PLEKHA5: variants seen among roughly 807,000 people sequenced by gnomAD.
PLEKHA5 encodes the protein pleckstrin homology domain containing A5.
In PLEKHA5, 55 loss-of-function variants were observed where a neutral mutation model predicts 181.9. The observed-to-expected ratio is 0.30, with a 90% CI of 0.24 to 0.38. The LOEUF (loss-of-function observed/expected upper bound fraction) is 0.38. PLEKHA5 is among the 10% of genes least tolerant of loss of function. The pLI is 1.00. For synonymous variants in PLEKHA5, 535 were observed against 529.4 expected (o/e 1.01, Z -0.15); for missense variants, 1,432 against 1,549.5 (o/e 0.92, Z 1.27).
At chr12:19,203,060 T>TA (rs1291661764) in intron 3 of PLEKHA5, among the ~76,000 whole-genome samples, 7 of 152,056 alleles carry the variant, frequency 4.6e-5, no homozygotes, top group Non-Finnish European at 8.8e-5. Context: ...TATAAGGATT[T>TA]AAAAAAGAAG....
At chr12:19,331,844 G>A (rs2153094644) in intron 20 of PLEKHA5, among the ~76,000 whole-genome samples, 1 of 152,156 alleles carries the variant, frequency 6.6e-6, no homozygotes, top group Non-Finnish European at 1.5e-5. Flanking sequence ...ACAACATAGT[G>A]AGACCTCAAG....
At chr12:19,361,913 A>G (rs1210437297) in intron 29 of PLEKHA5, among the ~76,000 whole-genome samples, 1 of 152,110 alleles carries the variant, frequency 6.6e-6, no homozygotes, top group East Asian at 1.9e-4. Flanking sequence ...GTGCACATCT[A>G]TAATTCCAGC....
chr12:19,199,646 C>T (rs1185407892), intron 3 of PLEKHA5, among the ~76,000 whole-genome samples: 1 of 152,146 alleles, frequency 6.6e-6, no homozygotes, highest in Non-Finnish European at 1.5e-5. Context: ...GCAAGATACT[C>T]TTTGTTGAGA....
At chr12:19,321,681 T>C (rs2090902060) in intron 18 of PLEKHA5, 1 of 152,006 alleles carries the variant, frequency 6.6e-6, no homozygotes, top group Admixed American at 6.6e-5. Flanking sequence ...CCCCTACTTT[T>C]TCTTTTTAAC....
At chr12:19,150,709 T>G (rs545051403) in intron 3 of PLEKHA5, 2 of 152,332 alleles carry the variant, frequency 1.3e-5, no homozygotes, top group East Asian at 3.9e-4. Context: ...GCTATGTCAC[T>G]GGTGCATTGC....
At chr12:19,276,026 A>C (rs540653714) in intron 11 of PLEKHA5, among the ~76,000 whole-genome samples, 9 of 152,344 alleles carry the variant, frequency 5.9e-5, no homozygotes, top group African/African-American at 2.2e-4. Context: ...CAACAGCACA[A>C]TCTTAAGGAT....
intron 15 of PLEKHA5, among the ~76,000 whole-genome samples, chr12:19,312,642 T>G (rs1215190536): frequency 6.6e-6 from 1 of 152,224 alleles, no homozygotes; most frequent in African/African-American, 2.4e-5. Flanking sequence ...AGGGCCTTGC[T>G]CTGGAATAGG....
intron 3 of PLEKHA5, among the ~76,000 whole-genome samples, chr12:19,139,737 C>T (rs2036740910): frequency 6.6e-6 from 1 of 152,188 alleles, no homozygotes; most frequent in Non-Finnish European, 1.5e-5. Context: ...GTGGGGGTTG[C>T]TGGGAGAGGC....
intron 4 of PLEKHA5, among the ~76,000 whole-genome samples, chr12:19,254,262 C>T (rs889812968): frequency 6.6e-5 from 10 of 151,984 alleles, no homozygotes; most frequent in African/African-American, 1.5e-4. Flanking sequence ...CTCAAGAACC[C>T]GGGATGCAAG....
chr12:19,314,644 T>C (rs1338830002), intron 15 of PLEKHA5, 170 bp from the exon 16 acceptor site: 13 of 622,596 alleles, frequency 2.1e-5, no homozygotes, highest in Non-Finnish European at 3.9e-5. Context: ...CGTTTAATAC[T>C]TGTTTGAAAT....
rs1312192866 is a variant in PLEKHA5, at chr12:19,149,377, G to C, written c.227+16927G>C. The stretch of plus-strand genomic sequence containing the variant: ...ACATTAGCTGGATGTGGTGGTGGGT[G>C]CCTGAGGTCCCAGCTACTCAGGAGG... On this transcript the variant is annotated intron_variant, in intron 3 of 31. Coordinates refer to ENST00000429027, the MANE Select transcript of PLEKHA5 (RefSeq NM_001256470.2). 7 of 152,026 alleles carry C rather than the reference G, an allele frequency of 4.6e-5. No homozygotes were observed. In the East Asian group the frequency reaches 1.4e-3, roughly 29 times the overall value. The allele number at this position is 152,026 out of a possible 1,614,324, so 9.4% of individuals were successfully genotyped here. A position where few individuals can be genotyped will look rare whatever the true frequency, so the allele number is the denominator to read the frequency against.
At chr12:19,325,497 G>A (rs2091887489) in intron 20 of PLEKHA5, among the ~76,000 whole-genome samples, 1 of 151,526 alleles carries the variant, frequency 6.6e-6, no homozygotes, top group South Asian at 2.1e-4. Context: ...AGACCAGACT[G>A]GCTGACACGG....
chr12:19,212,368 A>G (rs2057088286), intron 3 of PLEKHA5, among the ~76,000 whole-genome samples: 1 of 152,210 alleles, frequency 6.6e-6, no homozygotes, highest in Non-Finnish European at 1.5e-5. Context: ...CATTACTTTC[A>G]AGTAAATGTA....
chr12:19,331,943 G>T (rs1440754907), intron 20 of PLEKHA5, among the ~76,000 whole-genome samples: 1 of 152,002 alleles, frequency 6.6e-6, no homozygotes, highest in Non-Finnish European at 1.5e-5. Flanking sequence ...GCTTGAGCCT[G>T]GGGAGTTGAG....
In PLEKHA5 at chr12:19,170,947, G is replaced by T. The variant is rs138146968; in HGVS notation, c.227+38497G>T. 2.2e-3 allele frequency among the ~76,000 whole-genome samples: 334 copies of T among 152,230 alleles called. 6 individuals carry two copies. The highest frequency in any genetic ancestry group is 0.016 in the East Asian group (83 of 5,186). ...TTTATAGTTGTAGTCTGTTACCATTGTGTCTTTTGGTGTTTGACTAATAAG... is the reference window on the plus strand; with the variant it reads ...TTTATAGTTGTAGTCTGTTACCATTTTGTCTTTTGGTGTTTGACTAATAAG... On this transcript the variant is annotated intron_variant, in intron 3 of 31. Transcript: ENST00000429027.
intron 15 of PLEKHA5, among the ~76,000 whole-genome samples, chr12:19,294,132 ATAAT>A (rs2079162204): frequency 6.6e-6 from 1 of 152,210 alleles, no homozygotes; most frequent in Non-Finnish European, 1.5e-5. Flanking sequence ...TTTTTAGGTA[ATAAT>A]TAGACAGCAT....
At chr12:19,132,812 C>T (rs539929246) in intron 3 of PLEKHA5, among the ~76,000 whole-genome samples, 1 of 122,006 alleles carries the variant, frequency 8.2e-6, no homozygotes. Flanking sequence ...GTGTATATTC[C>T]TGGGTAATAG....
At chr12:19,296,904 CT>C (rs1383591492) in intron 15 of PLEKHA5, among the ~76,000 whole-genome samples, 6 of 152,170 alleles carry the variant, frequency 3.9e-5, no homozygotes, top group Non-Finnish European at 8.8e-5. Flanking sequence ...TCTATTTTAG[CT>C]TTTCCTTCCA....
chr12:19,246,456 C>T (rs542368731), intron 3 of PLEKHA5, among the ~76,000 whole-genome samples: 2 of 151,516 alleles, frequency 1.3e-5, no homozygotes, highest in South Asian at 2.1e-4. Flanking sequence ...AACCGCATCT[C>T]TACTAAAAAT....
Sources: gnomAD v4.1 joint callset for allele counts (sites outside exome capture counted in the v4.1 genomes callset) on GRCh38, gnomAD v4.1.1 for gene constraint, MANE v1.5 for transcripts, NCBI Gene and HGNC (gene_info 2026-07-23, HGNC 2026-07-21) for gene names.